NSD1: variants seen among roughly 807,000 people sequenced by gnomAD.
NSD1 encodes the protein nuclear receptor binding SET domain protein 1.
A neutral mutation model predicts 242.7 loss-of-function variants in NSD1; 26 were observed. That is an observed-to-expected ratio of 0.11 (90% CI 0.08 to 0.15). NSD1 has a LOEUF of 0.15. NSD1 is among the 10% of genes least tolerant of loss of function. The pLI, the probability that NSD1 is intolerant of heterozygous loss-of-function variation, is 1.00. For synonymous variants in NSD1, 1,106 were observed against 1,178.1 expected (o/e 0.94, Z 1.25); for missense variants, 2,495 against 3,272.8 (o/e 0.76, Z 5.80).
intron 2 of NSD1, among the ~76,000 whole-genome samples, chr5:177,187,201 T>C (rs1413407508): frequency 3.3e-5 from 5 of 149,658 alleles, no homozygotes; most frequent in Non-Finnish European, 7.4e-5. Context: ...GCCTCCCAGG[T>C]TCAAGCGATT....
At chr5:177,139,676 T>A (rs1181962974) in intron 2 of NSD1, among the ~76,000 whole-genome samples, 1 of 152,178 alleles carries the variant, frequency 6.6e-6, no homozygotes, top group Non-Finnish European at 1.5e-5. Context: ...TAATTTTGGC[T>A]GGGCTTGGTG....
chr5:177,259,012 T>G (rs1756767356), intron 13 of NSD1, among the ~76,000 whole-genome samples: 1 of 152,008 alleles, frequency 6.6e-6, no homozygotes, highest in African/African-American at 2.4e-5. Flanking sequence ...TTTTTATATT[T>G]TTAGTATAGA....
chr5:177,174,921 G>T (rs1220029336), intron 2 of NSD1, among the ~76,000 whole-genome samples: 1 of 144,624 alleles, frequency 6.9e-6, no homozygotes, highest in African/African-American at 2.6e-5. Context: ...ACCCAGGCTG[G>T]AGTGCAGTGG....
intron 2 of NSD1, among the ~76,000 whole-genome samples, chr5:177,163,749 C>T (rs533222638): frequency 3.3e-5 from 5 of 152,222 alleles, no homozygotes; most frequent in East Asian, 1.9e-4. Context: ...AAAAGAACCC[C>T]ACCTGAGTTG....
At position 177,210,281 on chromosome 5, in the gene NSD1, G is replaced by A. The variant is rs1763231304; in HGVS notation, c.1882G>A (p.Asp628Asn). The A allele has an allele frequency of 2.5e-6, 4 of 1,609,500 alleles. No homozygotes were observed. Among genetic ancestry groups the A allele is most frequent in the Non-Finnish European group, 3.4e-6 (4 of 1,177,448 alleles). ...GAAGCTCTGCTATATTGGAGCAGGTGATGAGGAAAAGCGAAGTGATTCCAT... is the reference window on the plus strand; with the variant it reads ...GAAGCTCTGCTATATTGGAGCAGGTAATGAGGAAAAGCGAAGTGATTCCAT... ...KVKLCYIGAG[D>N]EEKRSDSISI... The change falls in exon 5 of 23, where the codon GAT (aspartate) becomes AAT (asparagine). Residue 628 changes from aspartate to asparagine, a missense_variant. Physicochemically the swap from Asp to Asn is conservative, Grantham distance 23. Coordinates refer to ENST00000439151, the MANE Select transcript of NSD1 (RefSeq NM_022455.5).
At chr5:177,195,766 A>G (rs747027682) in intron 3 of NSD1, among the ~76,000 whole-genome samples, 11 of 152,154 alleles carry the variant, frequency 7.2e-5, no homozygotes, top group Non-Finnish European at 1.2e-4. Context: ...TACCGCACTC[A>G]GCCTATTTAT....
chr5:177,221,670 C>G (rs10062704), intron 5 of NSD1, among the ~76,000 whole-genome samples: 2 of 152,004 alleles, frequency 1.3e-5, no homozygotes, highest in East Asian at 3.9e-4. Flanking sequence ...GGGGTTTCAC[C>G]TTGTCGGCCA....
In NSD1 at chr5:177,295,191, C is replaced by T. The variant is rs1760172967; in HGVS notation, c.7823C>T (p.Ala2608Val). The change falls in exon 23 of 23, where the codon GCC (alanine) becomes GTC (valine). Residue 2608 changes from alanine (A) to valine (V), a missense_variant. Transcript: ENST00000439151. The surrounding 1 kb of genome is among the most constrained non-coding windows in gnomAD (Gnocchi z 4.3). ...TTTAGGTCTCTCGGGAAGGCCCCAGCCTCCCTCCCCACTGAAGAAAAGAAG... is the reference window on the plus strand; with the variant it reads ...TTTAGGTCTCTCGGGAAGGCCCCAGTCTCCCTCCCCACTGAAGAAAAGAAG... Reference protein sequence around the residue: ...QSFRSLGKAPASLPTEEKKLV... With the variant: ...QSFRSLGKAPVSLPTEEKKLV... 1 of 1,614,106 alleles carries T rather than the reference C, an allele frequency of 6.2e-7. No individual in the cohort carries two copies. Among genetic ancestry groups the T allele is most frequent in the Admixed American group, 1.7e-5 (1 of 60,002 alleles).
intron 2 of NSD1, among the ~76,000 whole-genome samples, chr5:177,154,322 G>T (rs1365900439): frequency 6.6e-6 from 1 of 152,110 alleles, no homozygotes; most frequent in Non-Finnish European, 1.5e-5. Flanking sequence ...ATACCATCAG[G>T]CTGGGATAAT....
chr5:177,145,317 T>TGC (rs1166253166), intron 2 of NSD1, among the ~76,000 whole-genome samples: 1 of 151,352 alleles, frequency 6.6e-6, no homozygotes, highest in Non-Finnish European at 1.5e-5. Context: ...CTCGCTCTGT[T>TGC]GCTCAGGCTG....
intron 6 of NSD1, among the ~76,000 whole-genome samples, chr5:177,237,796 G>A (rs1327236919): frequency 6.6e-6 from 1 of 152,062 alleles, no homozygotes; most frequent in African/African-American, 2.4e-5. Context: ...GCCTCCCAAA[G>A]TTCTGGAATT....
intron 14 of NSD1, among the ~76,000 whole-genome samples, 170 bp downstream of exon 14, chr5:177,260,338 A>ATTTTTTT (rs1756890507): frequency 1.6e-5 from 2 of 124,054 alleles, no homozygotes; most frequent in Non-Finnish European, 3.5e-5. Context: ...ACATAGCAGA[A>ATTTTTTT]CTTTTTTTTT....
At chr5:177,179,738 A>C (rs1021000696) in intron 2 of NSD1, among the ~76,000 whole-genome samples, 6 of 152,196 alleles carry the variant, frequency 3.9e-5, no homozygotes, top group African/African-American at 1.4e-4. Flanking sequence ...GATTTTGAGA[A>C]GTCCAGAGGA....
chr5:177,281,661 T>C (rs145167881), intron 18 of NSD1, among the ~76,000 whole-genome samples: 16 of 152,238 alleles, frequency 1.1e-4, no homozygotes, highest in African/African-American at 3.6e-4. Flanking sequence ...TTTTATTTTA[T>C]TTATTTTTTG....
Position 177,280,681 on chromosome 5 carries a change from C to T in NSD1, c.5739C>T (p.Asn1913=). Residue 1913 remains asparagine, a synonymous_variant, in exon 18 of 23, where the codon AAC becomes AAT. Transcript: ENST00000439151. ...NPCGIDSECI[N]RMLLYECHPT... ...GTGGGATAGACTCTGAATGCATCAACCGCATGCTGCTCTATGAGTGCCACC... is the reference window on the plus strand; with the variant it reads ...GTGGGATAGACTCTGAATGCATCAATCGCATGCTGCTCTATGAGTGCCACC... The T allele has an allele frequency of 6.2e-7, 1 of 1,614,242 alleles. No homozygotes were observed. The highest frequency in any genetic ancestry group is 1.1e-5 in the South Asian group (1 of 91,088).
At chr5:177,165,183 A>G (rs990461602) in intron 2 of NSD1, among the ~76,000 whole-genome samples, 3 of 152,052 alleles carry the variant, frequency 2.0e-5, no homozygotes, top group African/African-American at 7.2e-5. Context: ...ATTTTATCCT[A>G]TTTATTTTGA....
chr5:177,151,785 A>G (rs1273910507), intron 2 of NSD1, among the ~76,000 whole-genome samples: 1 of 151,542 alleles, frequency 6.6e-6, no homozygotes, highest in Admixed American at 6.6e-5. Context: ...TCAACCTCCC[A>G]GTCTCAAGCA....
At position 177,135,627 on chromosome 5, in the gene NSD1, C is replaced by T. The variant is rs1554167548; in HGVS notation, c.524C>T (p.Thr175Ile). The T allele has an allele frequency of 1.2e-6, 2 of 1,614,182 alleles. No homozygotes were observed. Among genetic ancestry groups the T allele is most frequent in the South Asian group, 1.1e-5 (1 of 91,078 alleles). ...DSEMDPEQPV[T>I]EDESIEEIFE... ...GAAATGGACCCAGAACAGCCAGTCA[C>T]AGAGGATGAGAGTATAGAGGAGATC... is the stretch of plus-strand genomic sequence containing the variant. Residue 175 changes from threonine to isoleucine, a missense_variant, in exon 2 of 23, where the codon ACA becomes ATA. By Grantham distance (89) the Thr-to-Ile change is moderately conservative. Transcript: ENST00000439151.
intron 2 of NSD1, among the ~76,000 whole-genome samples, chr5:177,162,180 C>T (rs1758810497): frequency 6.6e-6 from 1 of 151,784 alleles, no homozygotes; most frequent in Non-Finnish European, 1.5e-5. Flanking sequence ...TGGCTGTAGT[C>T]CCAGCTACTC....
Sources: allele counts gnomAD v4.1 joint callset (sites outside exome capture counted in the v4.1 genomes callset), GRCh38; gene constraint gnomAD v4.1.1; non-coding constraint Gnocchi (gnomAD v3.1); transcripts MANE v1.5; gene names NCBI Gene and HGNC (gene_info 2026-07-23, HGNC 2026-07-21).